PRDM1: variants seen among roughly 807,000 people sequenced by gnomAD.
PRDM1 encodes the protein PR domain zinc finger protein 1.
A neutral mutation model predicts 62.8 loss-of-function variants in PRDM1; 13 were observed. The observed-to-expected ratio is 0.21, with a 90% CI of 0.13 to 0.33. The LOEUF (loss-of-function observed/expected upper bound fraction) is 0.33, where lower values mean the gene tolerates loss of function less well. Ranked by LOEUF, PRDM1 falls within the 10% of genes least tolerant of loss-of-function variation. The pLI, the probability that PRDM1 is intolerant of heterozygous loss-of-function variation, is 1.00. For synonymous variants in PRDM1, 396 were observed against 417.6 expected, an observed-to-expected ratio of 0.95 and a Z score of 0.63; for missense variants, 895 against 1,058.8, an observed-to-expected ratio of 0.85 and a Z score of 2.15.
At chr6:106,091,969 T>C (rs1333539769) in intron 2 of PRDM1, among the ~76,000 whole-genome samples, 3 of 152,146 alleles carry the variant, frequency 2.0e-5, no homozygotes, top group Non-Finnish European at 2.9e-5. Context: ...GTCATTCTTA[T>C]AGAGTGGGAT....
intron 1 of PRDM1, among the ~76,000 whole-genome samples, chr6:106,024,335 A>G (rs1191900276): frequency 6.6e-6 from 1 of 152,150 alleles, no homozygotes; most frequent in Non-Finnish European, 1.5e-5. Flanking sequence ...CCTTTAAACA[A>G]TTGTCATACG....
At chr6:106,079,102 A>T (rs1402628694) in intron 1 of PRDM1, among the ~76,000 whole-genome samples, 20 of 152,016 alleles carry the variant, frequency 1.3e-4, no homozygotes, top group Non-Finnish European at 1.5e-5. Context: ...CTGGGACTAC[A>T]GGTGCCCGCC....
At chr6:106,097,636 C>T (rs572708811) in intron 3 of PRDM1, among the ~76,000 whole-genome samples, 5 of 152,292 alleles carry the variant, frequency 3.3e-5, no homozygotes, top group African/African-American at 9.6e-5. Context: ...TGGTAGGAAA[C>T]GGTGTTCATT....
At chr6:106,091,695 G>C (rs1582463725) in intron 2 of PRDM1, among the ~76,000 whole-genome samples, 1 of 152,144 alleles carries the variant, frequency 6.6e-6, no homozygotes, top group Admixed American at 6.5e-5. Context: ...TAGGAGAATC[G>C]CTTGAACCTG....
At chr6:106,034,064 G>C (rs1321544285) in intron 1 of PRDM1, among the ~76,000 whole-genome samples, 2 of 151,860 alleles carry the variant, frequency 1.3e-5, no homozygotes, top group African/African-American at 4.8e-5. Flanking sequence ...TACTCTCTTT[G>C]AATCATTTTT....
At chr6:105,998,498 T>C (rs1258370020) in intron 1 of PRDM1, among the ~76,000 whole-genome samples, 1 of 152,256 alleles carries the variant, frequency 6.6e-6, no homozygotes, top group Non-Finnish European at 1.5e-5. Context: ...GTGCAACGTT[T>C]TGCTTGATAG....
chr6:106,044,946 A>T (rs1443166546), upstream of PRDM1, among the ~76,000 whole-genome samples: 3 of 152,226 alleles, frequency 2.0e-5, no homozygotes, highest in Non-Finnish European at 4.4e-5. Flanking sequence ...TATTAAATGT[A>T]AGATAACCCT....
chr6:106,001,046 C>T (rs1772418659), intron 1 of PRDM1, among the ~76,000 whole-genome samples: 1 of 152,182 alleles, frequency 6.6e-6, no homozygotes, highest in Admixed American at 6.5e-5. Flanking sequence ...GTCACCAACA[C>T]TTTGATAAGG....
At chr6:106,000,420 C>T (rs2114541783) in intron 1 of PRDM1, among the ~76,000 whole-genome samples, 1 of 152,192 alleles carries the variant, frequency 6.6e-6, no homozygotes, top group East Asian at 1.9e-4. Context: ...TGGATAGCCA[C>T]TTCACTCCAG....
At chr6:106,079,741 C>G (rs1261750816) in intron 1 of PRDM1, among the ~76,000 whole-genome samples, 1 of 152,130 alleles carries the variant, frequency 6.6e-6, no homozygotes, top group Non-Finnish European at 1.5e-5. Flanking sequence ...AAGGTTGCAG[C>G]CAGCCAAGAT....
chr6:106,016,287 C>A (rs1772618923), intron 1 of PRDM1, among the ~76,000 whole-genome samples: 1 of 152,284 alleles, frequency 6.6e-6, no homozygotes, highest in South Asian at 2.1e-4. Context: ...TGCTATGAAT[C>A]TTCTAGTGCT....
chr6:106,016,928 A>C (rs920633194), intron 1 of PRDM1, among the ~76,000 whole-genome samples: 2 of 152,238 alleles, frequency 1.3e-5, no homozygotes, highest in Non-Finnish European at 1.5e-5. Context: ...CCGGGATTAC[A>C]GGCATGAGCC....
chr6:106,105,799 A>G lies in PRDM1; in HGVS notation c.1639A>G (p.Met547Val). ...GGCAGCCCCCAGCAGCGACGAAGCC[A>G]TGAATCTCATTAAAAACAAAAGAAA... The part of the protein sequence containing the change: ...AMAAPSSDEA[M>V]NLIKNKRNMT... Residue 547 changes from methionine (M) to valine (V), a missense_variant, in exon 5 of 7, where the codon ATG (methionine) becomes GTG (valine). Met to Val is a conservative substitution (Grantham distance 21). Coordinates refer to ENST00000369096, the MANE Select transcript of PRDM1 (RefSeq NM_001198.4). The G allele has an allele frequency of 1.2e-6, 2 of 1,614,214 alleles. No individual in the cohort carries two copies. The highest frequency in any genetic ancestry group is 2.2e-5 in the South Asian group (2 of 91,092).
chr6:105,999,467 C>T (rs72941609), intron 1 of PRDM1, among the ~76,000 whole-genome samples: 6,530 of 151,636 alleles, frequency 0.043, 168 homozygotes, highest in Non-Finnish European at 0.058. Context: ...ATGTTTTTTG[C>T]TTTTTTTGTT....
intron 3 of PRDM1, chr6:106,099,081 C>T (rs779651328): frequency 1.2e-6 from 2 of 1,614,004 alleles, no homozygotes; most frequent in Admixed American, 1.7e-5. Context: ...GACGATAAAA[C>T]TGAAATGGAA....
chr6:106,079,110 G>A (rs1397957759), intron 1 of PRDM1, among the ~76,000 whole-genome samples: 4 of 151,766 alleles, frequency 2.6e-5, no homozygotes, highest in African/African-American at 4.8e-5. Context: ...ACAGGTGCCC[G>A]CCACCACGTG....
At chr6:106,046,297 T>G (rs1286233352), upstream of PRDM1, 1 of 152,140 alleles carries the variant, frequency 6.6e-6, no homozygotes, top group Non-Finnish European at 1.5e-5. Flanking sequence ...TGGGGTTAGC[T>G]TTCAGAAGAA....
intron 1 of PRDM1, among the ~76,000 whole-genome samples, chr6:106,034,788 C>T (rs543047786): frequency 6.6e-6 from 1 of 152,044 alleles, no homozygotes; most frequent in Admixed American, 6.6e-5. Flanking sequence ...TGCACCACCA[C>T]GCATGGCTAG....
At chr6:106,044,188 T>C (rs370821347), upstream of PRDM1, among the ~76,000 whole-genome samples, 40 of 151,150 alleles carry the variant, frequency 2.6e-4, no homozygotes, top group African/African-American at 9.2e-4. Flanking sequence ...TTTCCTTTTT[T>C]TCTTTCTTTT....
Sources: gnomAD v4.1 joint callset for allele counts (sites outside exome capture counted in the v4.1 genomes callset) on GRCh38, gnomAD v4.1.1 for gene constraint, MANE v1.5 for transcripts, NCBI Gene and HGNC (gene_info 2026-07-23, HGNC 2026-07-21) for gene names.